GHR: variants seen among roughly 807,000 people sequenced by gnomAD.
The protein encoded by GHR is growth hormone receptor.
A neutral mutation model predicts 67.1 loss-of-function variants in GHR; 35 were observed. The observed-to-expected ratio is 0.52, with a 90% CI of 0.40 to 0.69. GHR has a LOEUF of 0.69. GHR is among the 30% of genes least tolerant of loss of function. GHR has a pLI of 0.00. For missense variants in GHR, 792 were observed against 764.6 expected (o/e 1.04, Z -0.42); for synonymous variants, 272 against 269.1 (o/e 1.01, Z -0.10).
chr5:42,626,689 A>G (rs1408062258), intron 2 of GHR, among the ~76,000 whole-genome samples: 2 of 152,182 alleles, frequency 1.3e-5, no homozygotes, highest in Admixed American at 6.5e-5. Context: ...CAGTCAACTC[A>G]TTAGCATACG....
intron 8 of GHR, 136 bp from the exon 9 acceptor site, chr5:42,717,916 C>T: frequency 1.6e-6 from 1 of 607,548 alleles, no homozygotes; most frequent in Non-Finnish European, 3.0e-6. Context: ...TTCTGTTTCT[C>T]ACACTCCAAT....
At chr5:42,616,427 G>C (rs886589496) in intron 2 of GHR, among the ~76,000 whole-genome samples, 2 of 152,090 alleles carry the variant, frequency 1.3e-5, no homozygotes, top group Non-Finnish European at 2.9e-5. Flanking sequence ...TTTGGCTTAA[G>C]TACCTGAGTG....
At chr5:42,660,507 G>C (rs969385720) in intron 3 of GHR, among the ~76,000 whole-genome samples, 1 of 152,202 alleles carries the variant, frequency 6.6e-6, no homozygotes, top group South Asian at 2.1e-4. Flanking sequence ...ACAGGGTCTG[G>C]AGTGGACCTC....
At chr5:42,655,323 T>A (rs1019569815) in intron 3 of GHR, among the ~76,000 whole-genome samples, 2 of 152,130 alleles carry the variant, frequency 1.3e-5, no homozygotes, top group Non-Finnish European at 2.9e-5. Context: ...TGGAGAGCTG[T>A]AAGAGGATAA....
chr5:42,475,942 G>A (rs1472133508), intron 1 of GHR, among the ~76,000 whole-genome samples: 3 of 95,200 alleles, frequency 3.2e-5, no homozygotes, highest in African/African-American at 1.3e-4. Flanking sequence ...GTCTCGCTCT[G>A]TCACCAGGCT....
chr5:42,666,152 C>A (rs1352558416), intron 3 of GHR, among the ~76,000 whole-genome samples: 2 of 137,704 alleles, frequency 1.5e-5, no homozygotes, highest in Non-Finnish European at 3.2e-5. Flanking sequence ...TTTATGAATT[C>A]TTCCTATTTA....
intron 6 of GHR, among the ~76,000 whole-genome samples, chr5:42,704,824 T>C (rs1294181848): frequency 6.6e-6 from 1 of 152,062 alleles, no homozygotes; most frequent in Non-Finnish European, 1.5e-5. Flanking sequence ...TGGTCTCTTA[T>C]GAACATTTGT....
intron 3 of GHR, among the ~76,000 whole-genome samples, chr5:42,676,584 A>C (rs1238941077): frequency 1.3e-5 from 2 of 152,110 alleles, no homozygotes; most frequent in African/African-American, 4.8e-5. Context: ...ATAACACCAT[A>C]GGTTAAAAAA....
intron 1 of GHR, among the ~76,000 whole-genome samples, chr5:42,507,191 C>T (rs1055935408): frequency 1.6e-4 from 24 of 152,158 alleles, no homozygotes; most frequent in African/African-American, 5.3e-4. Context: ...GCTTTGTTGT[C>T]AGAATGATTA....
Position 42,719,043 on chromosome 5 carries a change from C to T in GHR, c.1536C>T (p.Ser512=), listed in dbSNP as rs34556793. The T allele has an allele frequency of 1.2e-4, 201 of 1,608,730 alleles. No individual in the cohort carries two copies. The South Asian group carries it at 2.2e-3, about 17-fold the overall frequency. The change falls in exon 10 of 10, where the codon TCC becomes TCT. Residue 512 remains serine, a synonymous_variant. Coordinates refer to ENST00000230882, the MANE Select transcript of GHR (RefSeq NM_000163.5). ...SPGQKNKAGM[S]QCDMHPEMVS... ...GCCAAAAGAATAAGGCAGGGATGTC[C>T]CAATGTGACATGCACCCGGAAATGG... is the stretch of plus-strand genomic sequence containing the variant.
At chr5:42,443,958 G>GATAGAT (rs71608646) in intron 1 of GHR, among the ~76,000 whole-genome samples, 35,576 of 148,060 alleles carry the variant, frequency 0.24, 4,378 homozygotes, top group African/African-American at 0.28. Context: ...TATAGATATA[G>GATAGAT]ATAGATATAG....
intron 3 of GHR, among the ~76,000 whole-genome samples, chr5:42,652,355 T>C (rs147392476): frequency 7.1e-4 from 108 of 152,208 alleles, no homozygotes; most frequent in African/African-American, 2.6e-3. Flanking sequence ...GATGCTTAAT[T>C]TGAAAGACCA....
chr5:42,447,964 G>T (rs1282808573), intron 1 of GHR, among the ~76,000 whole-genome samples: 1 of 151,864 alleles, frequency 6.6e-6, no homozygotes, highest in Non-Finnish European at 1.5e-5. Context: ...GTTTCATCAT[G>T]TTGGCCTGGC....
At chr5:42,692,465 A>G (rs952927948) in intron 4 of GHR, among the ~76,000 whole-genome samples, 15 of 152,188 alleles carry the variant, frequency 9.9e-5, no homozygotes, top group African/African-American at 3.6e-4. Context: ...GGCAAGTGAC[A>G]CAGTATCTGT....
chr5:42,452,075 C>G (rs1187123472), intron 1 of GHR, among the ~76,000 whole-genome samples: 3 of 152,184 alleles, frequency 2.0e-5, no homozygotes, highest in Non-Finnish European at 2.9e-5. Flanking sequence ...CACCCTTAAG[C>G]AGTTCTTGTA....
chr5:42,688,402 C>A (rs1757261484), intron 3 of GHR, among the ~76,000 whole-genome samples: 1 of 152,172 alleles, frequency 6.6e-6, no homozygotes, highest in African/African-American at 2.4e-5. Flanking sequence ...ATATCCTAGC[C>A]TCTCATCTTT....
At chr5:42,675,994 A>G (rs1368494661) in intron 3 of GHR, among the ~76,000 whole-genome samples, 1 of 152,242 alleles carries the variant, frequency 6.6e-6, no homozygotes, top group Non-Finnish European at 1.5e-5. Context: ...ATTATAAAAA[A>G]GGAAGAAATT....
chr5:42,669,248 A>G (rs572118231), intron 3 of GHR, among the ~76,000 whole-genome samples: 1 of 152,150 alleles, frequency 6.6e-6, no homozygotes, highest in Non-Finnish European at 1.5e-5. Context: ...GCACCTCTAA[A>G]CCCTAAAATT....
intron 1 of GHR, chr5:42,548,419 T>G (rs1748838307): frequency 1.0e-6 from 1 of 984,700 alleles, no homozygotes; most frequent in Admixed American, 6.2e-5. Flanking sequence ...TGTGATCTGC[T>G]TGCATATATG....
Sources: gnomAD v4.1 joint callset for allele counts (sites outside exome capture counted in the v4.1 genomes callset) on GRCh38, gnomAD v4.1.1 for gene constraint, MANE v1.5 for transcripts, NCBI Gene and HGNC (gene_info 2026-07-23, HGNC 2026-07-21) for gene names.